Variants in FBXO34 observed in about 807,000 individuals in gnomAD.
FBXO34 encodes F-box only protein 34.
In FBXO34, 12 loss-of-function variants were observed where a neutral mutation model predicts 24.5. The observed-to-expected ratio is 0.49, with a 90% CI of 0.31 to 0.79. FBXO34 has a LOEUF of 0.79. FBXO34 is among the 30% of genes least tolerant of loss of function. The pLI is 0.04. For synonymous variants in FBXO34, 320 were observed against 311.9 expected, an observed-to-expected ratio of 1.03 and a Z score of -0.27; for missense variants, 823 against 857.7, an observed-to-expected ratio of 0.96 and a Z score of 0.51.
chr14:55,286,406 G>C (rs144274253), intron 1 of FBXO34, among the ~76,000 whole-genome samples: 2 of 152,292 alleles, frequency 1.3e-5, no homozygotes, highest in African/African-American at 4.8e-5. Context: ...CTGTGGTGTA[G>C]ATATCTTGAA....
At chr14:55,379,531 T>C in the FBXO34 span, among the ~76,000 whole-genome samples, 236 of 151,976 alleles carry the variant, frequency 1.6e-3, 2 homozygotes, top group African/African-American at 5.4e-3. Flanking sequence ...GACGACAGAG[T>C]GAGACCCTGT....
intron 3 of FBXO34, among the ~76,000 whole-genome samples, chr14:55,359,884 A>C (rs1463333077): frequency 6.7e-6 from 1 of 149,342 alleles, no homozygotes; most frequent in Non-Finnish European, 1.5e-5. Context: ...GTTCAAGACC[A>C]GGCTGGGCAA....
chr14:55,336,184 G>T (rs1468651984), intron 1 of FBXO34, among the ~76,000 whole-genome samples: 1 of 152,172 alleles, frequency 6.6e-6, no homozygotes, highest in Non-Finnish European at 1.5e-5. Flanking sequence ...CTTGACTGCT[G>T]TTGTCTTTCA....
chr14:55,369,592 G>C, downstream of FBXO34: 1 of 1,465,346 alleles, frequency 6.8e-7, no homozygotes, highest in Non-Finnish European at 9.1e-7. Flanking sequence ...TCTTGATGCA[G>C]ATTTGGTATG....
chr14:55,309,523 A>C (rs1156874162), intron 1 of FBXO34, among the ~76,000 whole-genome samples: 1 of 152,138 alleles, frequency 6.6e-6, no homozygotes, highest in African/African-American at 2.4e-5. Flanking sequence ...TCTTTTTTAA[A>C]CTTATCTGAT....
chr14:55,418,825 C>A, the FBXO34 span, among the ~76,000 whole-genome samples: 1 of 152,150 alleles, frequency 6.6e-6, no homozygotes, highest in Non-Finnish European at 1.5e-5. Context: ...AGAGAAAAAA[C>A]CAGGAGAGTG....
the FBXO34 span, among the ~76,000 whole-genome samples, chr14:55,421,691 G>GGCCTCATGTGATCTGCTT: frequency 6.6e-6 from 1 of 152,136 alleles, no homozygotes; most frequent in Non-Finnish European, 1.5e-5. Context: ...TTGAATTCCT[G>GGCCTCATGTGATCTGCTT]GCCTCATGTG....
the FBXO34 span, among the ~76,000 whole-genome samples, chr14:55,427,746 G>C: frequency 1.4e-4 from 21 of 151,990 alleles, no homozygotes; most frequent in Non-Finnish European, 2.9e-4. Context: ...TGTTGAGACG[G>C]GAAGTCTGAA....
chr14:55,312,483 C>T (rs528736787), intron 1 of FBXO34, among the ~76,000 whole-genome samples: 23 of 152,312 alleles, frequency 1.5e-4, no homozygotes, highest in African/African-American at 5.5e-4. Context: ...CCAGTGGAGA[C>T]TCTGTGTGGG....
At chr14:55,309,877 T>C (rs1428026814) in intron 1 of FBXO34, among the ~76,000 whole-genome samples, 4 of 152,206 alleles carry the variant, frequency 2.6e-5, no homozygotes. Context: ...AATGCATTTA[T>C]CTTTAGATTG....
chr14:55,422,796 T>C, the FBXO34 span, among the ~76,000 whole-genome samples: 2 of 152,060 alleles, frequency 1.3e-5, no homozygotes, highest in African/African-American at 4.8e-5. Flanking sequence ...GAGGTTGCAG[T>C]GAGCTGAGAT....
the FBXO34 span, among the ~76,000 whole-genome samples, chr14:55,386,449 T>C: frequency 6.6e-6 from 1 of 152,150 alleles, no homozygotes; most frequent in Admixed American, 6.5e-5. Context: ...CTAATTCAAG[T>C]TTGAAAAACT....
intron 1 of FBXO34, among the ~76,000 whole-genome samples, chr14:55,309,934 ATCAG>A (rs1314743539): frequency 1.3e-5 from 2 of 152,202 alleles, no homozygotes; most frequent in African/African-American, 2.4e-5. Flanking sequence ...TCTGATCCTT[ATCAG>A]TCAGTATTAG....
chr14:55,290,919 A>G (rs994798541), intron 1 of FBXO34, among the ~76,000 whole-genome samples: 1 of 152,106 alleles, frequency 6.6e-6, no homozygotes, highest in Non-Finnish European at 1.5e-5. Context: ...TCCGGAGTTC[A>G]AGTGATTTTC....
chr14:55,339,943 G>A (rs550440896), intron 1 of FBXO34, among the ~76,000 whole-genome samples: 5 of 152,206 alleles, frequency 3.3e-5, no homozygotes, highest in African/African-American at 1.2e-4. Context: ...GGCTTTCTTT[G>A]GTAAACACTA....
At chr14:55,426,032 C>T in the FBXO34 span, among the ~76,000 whole-genome samples, 2 of 152,026 alleles carry the variant, frequency 1.3e-5, no homozygotes, top group Non-Finnish European at 2.9e-5. Context: ...CTTGGGAAGT[C>T]GAGGTGGGTG....
chr14:55,304,134 A>ACTAGCT (rs1440309169), intron 1 of FBXO34, among the ~76,000 whole-genome samples: 3 of 152,220 alleles, frequency 2.0e-5, no homozygotes, highest in Non-Finnish European at 4.4e-5. Context: ...TTCTAATGAA[A>ACTAGCT]CTAGCTCTAA....
chr14:55,374,823 G>A (rs1884888604), downstream of FBXO34, among the ~76,000 whole-genome samples: 2 of 152,118 alleles, frequency 1.3e-5, no homozygotes, highest in Admixed American at 1.3e-4. Flanking sequence ...ACATATACAA[G>A]AGTCTGTTTC....
the FBXO34 span, chr14:55,411,517 C>A: frequency 5.3e-6 from 7 of 1,330,784 alleles, no homozygotes; most frequent in Non-Finnish European, 6.2e-6. Flanking sequence ...GGTGCCCGGA[C>A]GGGGAGCCCC....
Sources: gnomAD v4.1 joint callset for allele counts (sites outside exome capture counted in the v4.1 genomes callset) on GRCh38, gnomAD v4.1.1 for gene constraint, MANE v1.5 for transcripts, NCBI Gene and HGNC (gene_info 2026-07-23, HGNC 2026-07-21) for gene names.